Variants in CHPT1 observed in about 807,000 individuals in gnomAD.
CHPT1 encodes choline phosphotransferase 1, also known as cholinephosphotransferase 1.
CHPT1 carries 36 observed loss-of-function variants against 47.6 expected under a neutral mutation model. The observed-to-expected ratio is 0.76, with a 90% CI of 0.58 to 1.00. The LOEUF (loss-of-function observed/expected upper bound fraction) is 1.00, where lower values mean the gene tolerates loss of function less well. Among genes scored for constraint, CHPT1 ranks in the 50% least tolerant of loss-of-function variants. CHPT1 has a pLI of 0.00. For missense variants in CHPT1, 458 were observed against 498.1 expected (o/e 0.92, Z 0.77); for synonymous variants, 194 against 186.3 (o/e 1.04, Z -0.33).
chr12:101,720,903 C>G (rs1377738710), intron 5 of CHPT1, among the ~76,000 whole-genome samples: 1 of 152,006 alleles, frequency 6.6e-6, no homozygotes, highest in African/African-American at 2.4e-5. Flanking sequence ...TTTTAAAAAG[C>G]CTATTGTCAT....
intron 1 of CHPT1, among the ~76,000 whole-genome samples, chr12:101,706,828 A>G (rs1438667293): frequency 6.6e-6 from 1 of 152,250 alleles, no homozygotes; most frequent in East Asian, 1.9e-4. Context: ...TCATTAACTA[A>G]AGATGATAAT....
chr12:101,714,047 T>A (rs773263006), intron 1 of CHPT1, 43 bp from the exon 2 acceptor site: 6 of 1,393,586 alleles, frequency 4.3e-6, no homozygotes, highest in Non-Finnish European at 5.0e-6. Context: ...TCAGAAAGCT[T>A]ATTATCACTT....
In CHPT1 at chr12:101,714,494, T is replaced by C. The variant is rs1951736700; in HGVS notation, c.422-10T>C. ...AATTCTTAATGATTCTTAAACTTTG[T>C]TTCTTTCAGTATTTATGGCAGTGGG... On this transcript the variant is annotated splice_polypyrimidine_tract_variant and intron_variant, in intron 2 of 8. Coordinates refer to ENST00000229266, the MANE Select transcript of CHPT1 (RefSeq NM_020244.3). The C allele has an allele frequency of 6.3e-7, 1 of 1,588,772 alleles. No individual in the cohort carries two copies. Among genetic ancestry groups the C allele is most frequent in the Admixed American group, 1.9e-5 (1 of 52,766 alleles).
At chr12:101,705,614 C>T (rs1222671515) in intron 1 of CHPT1, among the ~76,000 whole-genome samples, 3 of 88,496 alleles carry the variant, frequency 3.4e-5, no homozygotes, top group African/African-American at 4.9e-5. Flanking sequence ...GAGACTAAGG[C>T]ACTGTAAAGT....
chr12:101,726,508 C>T (rs1441713742), intron 8 of CHPT1, 104 bp downstream of exon 8: 1 of 1,461,838 alleles, frequency 6.8e-7, no homozygotes, highest in South Asian at 1.4e-5. Flanking sequence ...GCTAGTATAC[C>T]ATCAATAAGG....
At chr12:101,717,677 G>T (rs1403625647) in intron 4 of CHPT1, among the ~76,000 whole-genome samples, 1 of 152,132 alleles carries the variant, frequency 6.6e-6, no homozygotes, top group Non-Finnish European at 1.5e-5. Flanking sequence ...ATTCCAGACT[G>T]TATGTAATCA....
chr12:101,728,767 A>G (rs1411991056), intron 8 of CHPT1, 134 bp from the exon 9 acceptor site: 3 of 984,864 alleles, frequency 3.0e-6, no homozygotes, highest in Non-Finnish European at 4.5e-6. Context: ...ACTCATAACT[A>G]TTTAGATTTG....
In CHPT1 at chr12:101,710,579, C is replaced by T; in HGVS notation, c.274-3511C>T. Among the ~76,000 whole-genome samples, 2 of 148,780 alleles carry T rather than the reference C, an allele frequency of 1.3e-5. 1 individual carries two copies. The highest frequency in any genetic ancestry group is 3.0e-5 in the Non-Finnish European group (2 of 66,484). ...AAACGCCTCTAGTATCCTAATGAAG[C>T]ACTTTTAAACTGGTGAACAGTCTTC... On this transcript the variant is annotated intron_variant, in intron 1 of 8. Coordinates refer to ENST00000229266, the MANE Select transcript of CHPT1 (RefSeq NM_020244.3).
intron 7 of CHPT1, among the ~76,000 whole-genome samples, chr12:101,724,742 G>A (rs999732102): frequency 1.6e-5 from 2 of 125,006 alleles, no homozygotes; most frequent in Admixed American, 7.7e-5. Context: ...TTAAGGAAAC[G>A]ACGTGGATGA....
intron 1 of CHPT1, among the ~76,000 whole-genome samples, chr12:101,704,576 T>C (rs1032828256): frequency 9.6e-4 from 143 of 149,654 alleles, no homozygotes; most frequent in Non-Finnish European, 1.7e-3. Flanking sequence ...TAATTTTGTG[T>C]TTTTAGTAGA....
At chr12:101,717,412 G>A (rs1951780661) in intron 4 of CHPT1, 4 of 396,484 alleles carry the variant, frequency 1.0e-5, no homozygotes, top group Non-Finnish European at 2.0e-5. Context: ...CACCATACTG[G>A]CTAACTGACT....
rs753437848 is a variant in CHPT1 at position 101,714,629 on chromosome 12, ATGT to A, written c.550_552del (p.Leu184del). ...TCATTGGCAGACTTATGTTTCAGGC[ATGT>A]TGAGATTTGGAAAGTAAGTATGCTT... On this transcript the variant is annotated inframe_deletion, in exon 3 of 9. Coordinates refer to ENST00000229266, the MANE Select transcript of CHPT1 (RefSeq NM_020244.3). The A allele has an allele frequency of 6.2e-7, 1 of 1,603,166 alleles. No individual in the cohort carries two copies. Among genetic ancestry groups the A allele is most frequent in the Non-Finnish European group, 8.5e-7 (1 of 1,176,722 alleles).
In CHPT1 at chr12:101,701,097, C is replaced by A. The variant is rs370928382; in HGVS notation, c.273+2963C>A. ...GAACATGACTGGGGATAAAGGGAAA[C>A]TAATAGAAAAAAGTTGTGATTTATA... is the stretch of plus-strand genomic sequence containing the variant. On this transcript the variant is annotated intron_variant, in intron 1 of 8. Coordinates refer to ENST00000229266, the MANE Select transcript of CHPT1 (RefSeq NM_020244.3). Among the ~76,000 whole-genome samples, 218 of 152,266 alleles carry A rather than the reference C, an allele frequency of 1.4e-3. 1 individual carries two copies. The highest frequency in any genetic ancestry group is 5.0e-3 in the African/African-American group (206 of 41,566).
intron 1 of CHPT1, among the ~76,000 whole-genome samples, chr12:101,699,339 C>T (rs1420660803): frequency 6.6e-6 from 1 of 150,704 alleles, no homozygotes; most frequent in Non-Finnish European, 1.5e-5. Flanking sequence ...ATCGAGCCTA[C>T]ATTTTAAAAT....
chr12:101,717,094 A>G, intron 4 of CHPT1: 1 of 394,324 alleles, frequency 2.5e-6, no homozygotes, highest in South Asian at 2.3e-5. Context: ...AACAACAACA[A>G]AAAACACACA....
intron 1 of CHPT1, among the ~76,000 whole-genome samples, chr12:101,709,836 A>C (rs1189202035): frequency 4.7e-5 from 7 of 148,560 alleles, no homozygotes; most frequent in Admixed American, 4.1e-4. Context: ...TTCAGGTGAA[A>C]AGTTCCATTC....
At chr12:101,708,548 A>G (rs1169492426) in intron 1 of CHPT1, among the ~76,000 whole-genome samples, 2 of 152,230 alleles carry the variant, frequency 1.3e-5, no homozygotes. Flanking sequence ...GTTCTGTAAC[A>G]TTGTTAAATT....
At position 101,723,410 on chromosome 12, in the gene CHPT1, G is replaced by A. The variant is rs550289369; in HGVS notation, c.939+84G>A. On this transcript the variant is annotated intron_variant, in intron 6 of 8. Transcript: ENST00000229266. ...TGGAAATTATTTCATAAAATGTATA[G>A]GTTTTCTTTTGTAGTGTAAAATCAT... The A allele has an allele frequency of 3.4e-6, 3 of 883,434 alleles. No individual in the cohort carries two copies. In the African/African-American group the frequency reaches 5.1e-5, roughly 15 times the overall value. The allele number at this position is 883,434 out of a possible 1,614,324, so 54.7% of individuals were successfully genotyped here.
chr12:101,697,977 T>C lies in CHPT1; in HGVS notation c.116T>C (p.Val39Ala). ...GAGCACCGCTACAGCGCGGCGGGCGTCTCGCTGCTCGAGCCGCCGCTGCAG... is the reference window on the plus strand; with the variant it reads ...GAGCACCGCTACAGCGCGGCGGGCGCCTCGCTGCTCGAGCCGCCGCTGCAG... Reference protein sequence around the residue: ...LEEHRYSAAGVSLLEPPLQLY... With the variant: ...LEEHRYSAAGASLLEPPLQLY... Residue 39 changes from valine to alanine, a missense_variant, in exon 1 of 9, where the codon GTC becomes GCC. Physicochemically the swap from Val to Ala is moderately conservative, Grantham distance 64. Transcript: ENST00000229266. 1 of 1,511,598 alleles carries C rather than the reference T, an allele frequency of 6.6e-7. No homozygotes were observed. The highest frequency in any genetic ancestry group is 1.2e-5 in the South Asian group (1 of 80,476). The allele number at this position is 1,511,598 out of a possible 1,614,324, so 93.6% of individuals were successfully genotyped here.
Sources: allele counts gnomAD v4.1 joint callset (sites outside exome capture counted in the v4.1 genomes callset), GRCh38; gene constraint gnomAD v4.1.1; transcripts MANE v1.5; gene names NCBI Gene and HGNC (gene_info 2026-07-23, HGNC 2026-07-21).